Variants in ZNRF3 observed in about 807,000 individuals in gnomAD.
ZNRF3 encodes the protein zinc and ring finger 3.
ZNRF3 carries 23 observed loss-of-function variants against 72.5 expected under a neutral mutation model. The ratio of observed to expected loss-of-function variants is 0.32; its 90% CI spans 0.23 to 0.45. The LOEUF (loss-of-function observed/expected upper bound fraction) is 0.45. Ranked by LOEUF, ZNRF3 falls within the 20% of genes least tolerant of loss-of-function variation. The probability of loss-of-function intolerance (pLI) is 1.00; values close to 1 mark genes in which losing one functional copy is unlikely to be tolerated. For missense variants in ZNRF3, 1,169 were observed against 1,272.1 expected (o/e 0.92, Z 1.23); for synonymous variants, 610 against 545.3 (o/e 1.12, Z -1.65).
intron 1 of ZNRF3, among the ~76,000 whole-genome samples, chr22:28,909,055 C>G (rs2034266424): frequency 6.6e-6 from 1 of 152,020 alleles, no homozygotes; most frequent in Non-Finnish European, 1.5e-5. Flanking sequence ...GCTGCCACAC[C>G]CAGCTAATTT....
intron 1 of ZNRF3, among the ~76,000 whole-genome samples, chr22:28,896,397 T>G (rs2034000984): frequency 6.6e-6 from 1 of 152,118 alleles, no homozygotes; most frequent in Non-Finnish European, 1.5e-5. Context: ...CCTCCCAAAG[T>G]GCTGGGCTTA....
intron 5 of ZNRF3, among the ~76,000 whole-genome samples, chr22:29,046,223 C>T (rs1397486949): frequency 1.3e-5 from 2 of 152,112 alleles, no homozygotes; most frequent in African/African-American, 2.4e-5. Context: ...TCTTGGAAGG[C>T]AATCTGTAGA....
In ZNRF3 at chr22:29,050,937, C is replaced by G; in HGVS notation, c.2756C>G (p.Thr919Ser). 6.6e-7 allele frequency: 1 copy of G among 1,516,902 alleles called. No homozygotes were observed. Among genetic ancestry groups the G allele is most frequent in the Non-Finnish European group, 8.8e-7 (1 of 1,140,462 alleles). 94.0% of individuals were successfully genotyped at this position (1,516,902 alleles called of 1,614,324 possible). Residue 919 changes from threonine (T) to serine (S), a missense_variant, in exon 8 of 9, where the codon ACT becomes AGT. Around this residue, in one of 2 missense-constraint regions of ZNRF3, gnomAD observed 783 missense variants for 731.4 expected, o/e 1.07. Transcript: ENST00000544604. ...ACTCAGGAGTCCAGCACCACTGCCA[C>G]TGAGGCTGCAGGTGAGAGCAGGAAA... ...QDTQESSTTA[T>S]EAAGPRSHSA...
At chr22:28,920,632 C>T (rs1175035739) in intron 1 of ZNRF3, among the ~76,000 whole-genome samples, 1 of 152,240 alleles carries the variant, frequency 6.6e-6, no homozygotes, top group Non-Finnish European at 1.5e-5. Flanking sequence ...CTTGCGGTTA[C>T]TGAAAAGAAA....
chr22:28,994,704 A>G (rs2036019272), intron 2 of ZNRF3, among the ~76,000 whole-genome samples: 1 of 152,218 alleles, frequency 6.6e-6, no homozygotes, highest in African/African-American at 2.4e-5. Flanking sequence ...TGAACTGTGC[A>G]CTTAAAAATG....
chr22:28,939,013 G>C (rs373530160), intron 1 of ZNRF3, among the ~76,000 whole-genome samples: 1 of 152,106 alleles, frequency 6.6e-6, no homozygotes, highest in African/African-American at 2.4e-5. Flanking sequence ...GGCCAGGCAC[G>C]GTGGCTCATG....
At chr22:28,957,630 G>A (rs1287463932) in intron 1 of ZNRF3, among the ~76,000 whole-genome samples, 3 of 151,718 alleles carry the variant, frequency 2.0e-5, no homozygotes, top group Non-Finnish European at 2.9e-5. Context: ...TAGTAGAGAC[G>A]GGGTTTCACC....
chr22:29,027,697 A>G (rs1420605915), intron 2 of ZNRF3, among the ~76,000 whole-genome samples: 1 of 152,210 alleles, frequency 6.6e-6, no homozygotes, highest in African/African-American at 2.4e-5. Context: ...TAACATGGTC[A>G]TGTCAACTTC....
At chr22:28,931,927 C>A (rs1212847842) in intron 1 of ZNRF3, among the ~76,000 whole-genome samples, 1 of 152,194 alleles carries the variant, frequency 6.6e-6, no homozygotes, top group Non-Finnish European at 1.5e-5. Flanking sequence ...AGGTGAGGTT[C>A]CTATGGACAG....
intron 1 of ZNRF3, among the ~76,000 whole-genome samples, chr22:28,925,635 A>G (rs551802846): frequency 8.5e-5 from 13 of 152,224 alleles, no homozygotes; most frequent in African/African-American, 2.9e-4. Flanking sequence ...CCCACTATCT[A>G]TATTCCACCG....
intron 2 of ZNRF3, among the ~76,000 whole-genome samples, chr22:29,039,555 T>C (rs185026662): frequency 4.5e-4 from 68 of 151,944 alleles, no homozygotes; most frequent in African/African-American, 1.6e-3. Flanking sequence ...AAGCCTAGGA[T>C]ACCACCTAAG....
intron 1 of ZNRF3, among the ~76,000 whole-genome samples, chr22:28,931,329 A>T (rs1001831841): frequency 6.6e-6 from 1 of 152,156 alleles, no homozygotes; most frequent in Non-Finnish European, 1.5e-5. Context: ...TGTTAGAGAA[A>T]CTGAACCTGT....
At position 29,049,808 on chromosome 22, in the gene ZNRF3, C is replaced by T; in HGVS notation, c.1627C>T (p.Leu543=). Residue 543 remains leucine, a synonymous_variant, in exon 8 of 9, where the codon CTG becomes TTG. Coordinates refer to ENST00000544604, the MANE Select transcript of ZNRF3 (RefSeq NM_001206998.2). The surrounding 1 kb of genome is among the most constrained non-coding windows in gnomAD (Gnocchi z 5.2). Reference sequence around the variant, plus strand: ...CCACCGCTCGGTGTGCAGTGGCTACCTGGCCGACTGCCCAGGCAGCGACAG... The same window carrying T: ...CCACCGCTCGGTGTGCAGTGGCTACTTGGCCGACTGCCCAGGCAGCGACAG... The part of the protein sequence containing the change: ...HGHRSVCSGY[L]ADCPGSDSSS... 1 of 1,607,456 alleles carries T rather than the reference C, an allele frequency of 6.2e-7. No homozygotes were observed. Among genetic ancestry groups the T allele is most frequent in the Non-Finnish European group, 8.5e-7 (1 of 1,176,934 alleles).
At chr22:29,022,059 C>CA (rs1315863794) in intron 2 of ZNRF3, among the ~76,000 whole-genome samples, 1 of 152,140 alleles carries the variant, frequency 6.6e-6, no homozygotes, top group Non-Finnish European at 1.5e-5. Context: ...CTACTGTAGA[C>CA]AAGTTTGCAT....
At chr22:28,999,047 GTGGCTCA>G (rs1161147153) in intron 2 of ZNRF3, among the ~76,000 whole-genome samples, 1 of 152,042 alleles carries the variant, frequency 6.6e-6, no homozygotes, top group African/African-American at 2.4e-5. Flanking sequence ...GCCGGGTGCG[GTGGCTCA>G]TGCCTGTAAT....
intron 2 of ZNRF3, among the ~76,000 whole-genome samples, chr22:29,001,159 C>G (rs999839186): frequency 6.8e-6 from 1 of 146,186 alleles, no homozygotes; most frequent in African/African-American, 2.5e-5. Flanking sequence ...AGCTCCGCCT[C>G]CTGGGTTCAC....
chr22:28,895,030 T>G (rs1264691977), intron 1 of ZNRF3, among the ~76,000 whole-genome samples: 2 of 152,164 alleles, frequency 1.3e-5, no homozygotes, highest in African/African-American at 4.8e-5. Context: ...GACAGTTCCA[T>G]TTACAGATGC....
At chr22:28,906,611 G>A (rs551191768) in intron 1 of ZNRF3, among the ~76,000 whole-genome samples, 1 of 152,344 alleles carries the variant, frequency 6.6e-6, no homozygotes, top group Non-Finnish European at 1.5e-5. Context: ...TGTACATTAA[G>A]TGCTTAACAC....
intron 2 of ZNRF3, among the ~76,000 whole-genome samples, chr22:29,035,575 T>A (rs1009175831): frequency 1.5e-4 from 23 of 152,206 alleles, no homozygotes; most frequent in East Asian, 3.8e-4. Flanking sequence ...CTATTTATTT[T>A]AAAATTTTTT....
Sources: gnomAD v4.1 joint callset for allele counts (sites outside exome capture counted in the v4.1 genomes callset) on GRCh38, gnomAD v4.1.1 for gene constraint, gnomAD v4.1.1 regional missense constraint, Gnocchi (gnomAD v3.1) non-coding constraint, MANE v1.5 for transcripts, NCBI Gene and HGNC (gene_info 2026-07-23, HGNC 2026-07-21) for gene names.